CTNNA3: variants seen among roughly 807,000 people sequenced by gnomAD.
CTNNA3 encodes catenin alpha-3.
CTNNA3 carries 76 observed loss-of-function variants against 95.7 expected under a neutral mutation model. That is an observed-to-expected ratio of 0.79 (90% CI 0.66 to 0.96). CTNNA3 has a LOEUF of 0.96. Ranked by LOEUF, CTNNA3 falls within the 40% of genes least tolerant of loss-of-function variation. The pLI is 0.00. For synonymous variants in CTNNA3, 431 were observed against 374.4 expected (o/e 1.15, Z -1.74); for missense variants, 1,191 against 1,089.8 (o/e 1.09, Z -1.31).
intron 9 of CTNNA3, among the ~76,000 whole-genome samples, chr10:66,696,312 C>T (rs10762094): frequency 0.32 from 48,593 of 151,924 alleles, 8,721 homozygotes; most frequent in East Asian, 0.58. Context: ...TCATCATTTT[C>T]CAGCCTTCCT....
At chr10:67,061,772 A>G (rs1021661503) in intron 7 of CTNNA3, among the ~76,000 whole-genome samples, 1 of 152,204 alleles carries the variant, frequency 6.6e-6, no homozygotes, top group African/African-American at 2.4e-5. Context: ...TTCTAGCTTA[A>G]TCCTTAATAA....
At chr10:65,947,921 G>A (rs924664489) in intron 17 of CTNNA3, among the ~76,000 whole-genome samples, 4 of 152,190 alleles carry the variant, frequency 2.6e-5, no homozygotes, top group African/African-American at 9.6e-5. Flanking sequence ...CTGGTTGGAA[G>A]TATAAGTGAG....
chr10:67,120,478 A>G (rs1174307754), intron 7 of CTNNA3, among the ~76,000 whole-genome samples: 2 of 151,990 alleles, frequency 1.3e-5, no homozygotes, highest in Non-Finnish European at 2.9e-5. Flanking sequence ...CTTCTATACC[A>G]TGGCTTCAAA....
chr10:65,955,535 A>G (rs1355652762), intron 17 of CTNNA3, among the ~76,000 whole-genome samples: 1 of 152,134 alleles, frequency 6.6e-6, no homozygotes, highest in East Asian at 1.9e-4. Flanking sequence ...TGTCATAAAT[A>G]GCTCTTATTA....
intron 7 of CTNNA3, among the ~76,000 whole-genome samples, chr10:67,138,709 C>T (rs993519330): frequency 7.9e-5 from 12 of 152,056 alleles, no homozygotes; most frequent in Admixed American, 7.2e-4. Context: ...ATGATTTGCC[C>T]ATAAATGAGC....
chr10:66,522,487 C>T (rs1005735399), intron 10 of CTNNA3, among the ~76,000 whole-genome samples: 2 of 152,044 alleles, frequency 1.3e-5, no homozygotes, highest in Admixed American at 6.6e-5. Context: ...TGAGTTCTCA[C>T]GAGATCTGAT....
At chr10:67,013,003 C>G (rs994114079) in intron 7 of CTNNA3, 1 of 152,164 alleles carries the variant, frequency 6.6e-6, no homozygotes, top group Non-Finnish European at 1.5e-5. Flanking sequence ...CTTACCAGTT[C>G]TTATGCACTG....
intron 12 of CTNNA3, among the ~76,000 whole-genome samples, chr10:66,329,374 G>A (rs1266104646): frequency 6.6e-6 from 1 of 151,978 alleles, no homozygotes; most frequent in Non-Finnish European, 1.5e-5. Flanking sequence ...CTGAGTCACT[G>A]ATTCAAATGC....
At chr10:67,286,664 C>T (rs1839615020) in intron 5 of CTNNA3, among the ~76,000 whole-genome samples, 1 of 152,102 alleles carries the variant, frequency 6.6e-6, no homozygotes, top group Non-Finnish European at 1.5e-5. Flanking sequence ...AAAAAAATCA[C>T]CTAATTTTTC....
chr10:66,759,821 G>A (rs906765400), intron 9 of CTNNA3, among the ~76,000 whole-genome samples: 3 of 151,998 alleles, frequency 2.0e-5, no homozygotes, highest in African/African-American at 7.3e-5. Flanking sequence ...TCTCATTAAT[G>A]GCTTTTATAT....
rs1421967537 is a variant in CTNNA3 at position 65,916,992 on chromosome 10, T to C, written c.*3338A>G. 1 of 152,196 alleles carries C rather than the reference T, an allele frequency of 6.6e-6. No individual in the cohort carries two copies. The highest frequency in any genetic ancestry group is 2.4e-5 in the African/African-American group (1 of 41,444). The allele number at this position is 152,196 out of a possible 1,614,324, so 9.4% of individuals were successfully genotyped here. A position where few individuals can be genotyped will look rare whatever the true frequency, so the allele number is the denominator to read the frequency against. ...GCACTTAATTGTATATTCACAATTT[T>C]AGCTTGAAATTGAAACCGACTGCCT... On this transcript the variant is annotated 3_prime_UTR_variant, in exon 18 of 18. Coordinates refer to ENST00000433211, the MANE Select transcript of CTNNA3 (RefSeq NM_013266.4).
At chr10:67,217,467 G>A (rs1864426506) in intron 6 of CTNNA3, among the ~76,000 whole-genome samples, 1 of 152,108 alleles carries the variant, frequency 6.6e-6, no homozygotes, top group Non-Finnish European at 1.5e-5. Context: ...ATCCTCATTA[G>A]GATCTCAGAG....
chr10:66,550,574 AT>A (rs1842184267), intron 10 of CTNNA3, among the ~76,000 whole-genome samples: 1 of 152,168 alleles, frequency 6.6e-6, no homozygotes, highest in East Asian at 1.9e-4. Context: ...AGATGAAAAT[AT>A]TTACTCTTTG....
At chr10:66,246,743 G>C (rs1013404222) in intron 13 of CTNNA3, among the ~76,000 whole-genome samples, 1 of 151,698 alleles carries the variant, frequency 6.6e-6, no homozygotes, top group African/African-American at 2.4e-5. Flanking sequence ...TAGCAGAATT[G>C]ATCAAGCAGA....
At chr10:66,064,881 T>C (rs560385158) in intron 15 of CTNNA3, among the ~76,000 whole-genome samples, 1 of 152,266 alleles carries the variant, frequency 6.6e-6, no homozygotes, top group South Asian at 2.1e-4. Flanking sequence ...AAAGTAGTAT[T>C]TTAAAAATCT....
intron 2 of CTNNA3, among the ~76,000 whole-genome samples, chr10:67,639,398 C>T (rs756132886): frequency 1.3e-5 from 2 of 152,224 alleles, no homozygotes; most frequent in South Asian, 2.1e-4. Flanking sequence ...CAGGACCAGA[C>T]AGATTCACAG....
chr10:67,104,127 GA>G (rs1436120434), intron 7 of CTNNA3, among the ~76,000 whole-genome samples: 1 of 151,616 alleles, frequency 6.6e-6, no homozygotes, highest in Non-Finnish European at 1.5e-5. Flanking sequence ...TCAACTGGCT[GA>G]AAAAAAGAGG....
intron 3 of CTNNA3, among the ~76,000 whole-genome samples, chr10:67,570,667 A>T (rs1448291678): frequency 6.6e-6 from 1 of 152,166 alleles, no homozygotes; most frequent in Non-Finnish European, 1.5e-5. Context: ...CATCTTCTTC[A>T]CAAGGTCTTT....
intron 6 of CTNNA3, among the ~76,000 whole-genome samples, chr10:67,208,371 T>G (rs1260518208): frequency 7.9e-6 from 1 of 125,810 alleles, no homozygotes; most frequent in African/African-American, 3.4e-5. Flanking sequence ...AGAGCAAGAC[T>G]CTGTCTCAAA....
Sources: allele counts gnomAD v4.1 joint callset (sites outside exome capture counted in the v4.1 genomes callset), GRCh38; gene constraint gnomAD v4.1.1; transcripts MANE v1.5; gene names NCBI Gene and HGNC (gene_info 2026-07-23, HGNC 2026-07-21).